TRIM55: variants seen among roughly 807,000 people sequenced by gnomAD.
The protein encoded by TRIM55 is tripartite motif containing 55, also known as tripartite motif-containing protein 55.
A neutral mutation model predicts 60.9 loss-of-function variants in TRIM55; 50 were observed. The observed-to-expected ratio is 0.82, with a 90% CI of 0.65 to 1.04. The LOEUF (loss-of-function observed/expected upper bound fraction) is 1.04. Ranked by LOEUF, TRIM55 falls within the 50% of genes least tolerant of loss-of-function variation. TRIM55 has a pLI of 0.00. For synonymous variants in TRIM55, 237 were observed against 238.1 expected (o/e 1.00, Z 0.04); for missense variants, 681 against 666.9 (o/e 1.02, Z -0.23).
chr8:66,132,603 C>T (rs538928692), intron 2 of TRIM55, among the ~76,000 whole-genome samples: 6 of 152,206 alleles, frequency 3.9e-5, no homozygotes, highest in Non-Finnish European at 7.3e-5. Context: ...CTACACTGAA[C>T]GGTGAGGGGC....
Position 66,149,689 on chromosome 8 carries a change from T to C in TRIM55, c.648T>C (p.Asp216=). 1 of 1,614,176 alleles carries C rather than the reference T, an allele frequency of 6.2e-7. No homozygotes were observed. The highest frequency in any genetic ancestry group is 8.5e-7 in the Non-Finnish European group (1 of 1,180,000). ...AACAAGAGCTTTGTGAGAAGTTTGA[T>C]TACCTGTATGGCATTTTGGAGGAGA... ...KQKQELCEKF[D]YLYGILEERK... is the part of the protein sequence containing the mutation. The change falls in exon 5 of 10, where the codon GAT becomes GAC. Residue 216 remains aspartate (D), a synonymous_variant. Transcript: ENST00000315962.
chr8:66,132,593 C>T (rs1809226693), intron 2 of TRIM55, among the ~76,000 whole-genome samples: 1 of 152,200 alleles, frequency 6.6e-6, no homozygotes, highest in South Asian at 2.1e-4. Context: ...TCAGTCTAGC[C>T]TACACTGAAC....
chr8:66,114,701 C>G, the TRIM55 span: 1 of 452,192 alleles, frequency 2.2e-6, no homozygotes, highest in South Asian at 1.6e-5. Context: ...TCGGCCCCAT[C>G]TCAAGTCCGC....
intron 3 of TRIM55, 116 bp downstream of exon 3, chr8:66,135,271 G>T (rs1180633071): frequency 6.4e-6 from 7 of 1,088,742 alleles, no homozygotes; most frequent in Non-Finnish European, 8.3e-6. Context: ...AGCCACGCAG[G>T]GCCATGGGAC....
Position 66,174,619 on chromosome 8 carries a change from G to A in TRIM55, c.*26G>A. The A allele has an allele frequency of 6.4e-7, 1 of 1,571,306 alleles. No individual in the cohort carries two copies. The highest frequency in any genetic ancestry group is 8.6e-7 in the Non-Finnish European group (1 of 1,161,460). On this transcript the variant is annotated 3_prime_UTR_variant, in exon 10 of 10. Transcript: ENST00000315962. Reference sequence around the variant, plus strand: ...TATTCATTCCAACTGCTGCCCCTCTGTCTGCCTGGCTGAGATGCATGTGGG... The same window carrying A: ...TATTCATTCCAACTGCTGCCCCTCTATCTGCCTGGCTGAGATGCATGTGGG...
intron 4 of TRIM55, among the ~76,000 whole-genome samples, chr8:66,146,323 T>A (rs1160352104): frequency 6.6e-6 from 1 of 152,188 alleles, no homozygotes; most frequent in African/African-American, 2.4e-5. Context: ...TGCTTGGAAT[T>A]GCAAGTAATA....
At chr8:66,164,834 A>G (rs977225435) in intron 9 of TRIM55, among the ~76,000 whole-genome samples, 1 of 152,168 alleles carries the variant, frequency 6.6e-6, no homozygotes, top group Non-Finnish European at 1.5e-5. Flanking sequence ...TTGTAAGATT[A>G]TAAAGGTGAT....
intron 9 of TRIM55, among the ~76,000 whole-genome samples, chr8:66,165,462 A>G (rs1358526874): frequency 6.6e-6 from 1 of 152,130 alleles, no homozygotes; most frequent in East Asian, 1.9e-4. Context: ...ATGATTTCCC[A>G]TGAGTGTGAC....
At chr8:66,137,055 A>G (rs777349513) in intron 3 of TRIM55, 40 bp from the exon 4 acceptor site, 4 of 1,563,940 alleles carry the variant, frequency 2.6e-6, no homozygotes, top group Non-Finnish European at 3.5e-6. Flanking sequence ...GGTGGCTAGG[A>G]AACCCCTAAG....
At chr8:66,127,863 A>G (rs1586163913) in intron 1 of TRIM55, among the ~76,000 whole-genome samples, 1 of 152,100 alleles carries the variant, frequency 6.6e-6, no homozygotes, top group East Asian at 1.9e-4. Flanking sequence ...AAACAAAAAA[A>G]CTTTATAAAG....
At chr8:66,170,475 T>A (rs1384387358) in intron 9 of TRIM55, among the ~76,000 whole-genome samples, 1 of 152,214 alleles carries the variant, frequency 6.6e-6, no homozygotes, top group African/African-American at 2.4e-5. Context: ...GACATGTATG[T>A]ATGCATGACA....
At chr8:66,114,625 A>G in the TRIM55 span, 3 of 456,216 alleles carry the variant, frequency 6.6e-6, no homozygotes, top group Admixed American at 7.0e-5. Context: ...AAAACAAGAA[A>G]CAGAGAACTT....
intron 3 of TRIM55, among the ~76,000 whole-genome samples, chr8:66,136,287 T>C (rs1180432981): frequency 6.6e-6 from 1 of 152,198 alleles, no homozygotes; most frequent in Non-Finnish European, 1.5e-5. Context: ...CCCTTGCTCC[T>C]GTTTGGCCAA....
At chr8:66,118,623 A>G in the TRIM55 span, among the ~76,000 whole-genome samples, 1 of 152,228 alleles carries the variant, frequency 6.6e-6, no homozygotes, top group Non-Finnish European at 1.5e-5. Context: ...TTTTTGGAAT[A>G]ACTTTTAAAG....
chr8:66,115,634 T>C, the TRIM55 span, among the ~76,000 whole-genome samples: 5 of 152,184 alleles, frequency 3.3e-5, no homozygotes, highest in African/African-American at 1.2e-4. Context: ...AAGCTGGGAA[T>C]GGAATTCACA....
the TRIM55 span, chr8:66,114,730 C>G: frequency 2.3e-6 from 1 of 430,300 alleles, no homozygotes; most frequent in Non-Finnish European, 4.6e-6. Context: ...CTGCCTGGCT[C>G]TGGGCAGATC....
chr8:66,132,559 C>T (rs1809225043), intron 2 of TRIM55, among the ~76,000 whole-genome samples: 2 of 152,196 alleles, frequency 1.3e-5, no homozygotes, highest in Admixed American at 6.5e-5. Flanking sequence ...CCTCAGAGAC[C>T]AGAGACAGCA....
rs771854574 is a variant in TRIM55 at position 66,135,177 on chromosome 8, T to G, written c.507+22T>G. 1.2e-5 allele frequency: 19 copies of G among 1,598,594 alleles called. No individual in the cohort carries two copies. The African/African-American group carries it at 2.0e-4, about 17-fold the overall frequency. On this transcript the variant is annotated intron_variant, in intron 3 of 9. Transcript: ENST00000315962. ...GAAGGTAACAGAGCTGCTCCCTCCC[T>G]CCCGCAACCCCTCCCCATCCCCACA... is the stretch of plus-strand genomic sequence containing the variant.
intron 4 of TRIM55, among the ~76,000 whole-genome samples, chr8:66,146,090 T>C (rs1810079694): frequency 6.6e-6 from 1 of 152,182 alleles, no homozygotes; most frequent in African/African-American, 2.4e-5. Context: ...ATAATTCAGG[T>C]TAAGGAATTT....
Sources: gnomAD v4.1 joint callset for allele counts (sites outside exome capture counted in the v4.1 genomes callset) on GRCh38, gnomAD v4.1.1 for gene constraint, MANE v1.5 for transcripts, NCBI Gene and HGNC (gene_info 2026-07-23, HGNC 2026-07-21) for gene names.